Variants in ARMCX4 observed in about 807,000 individuals in gnomAD.
The protein encoded by ARMCX4 is armadillo repeat containing X-linked 4, also known as armadillo repeat-containing X-linked protein 4.
Under a neutral mutation model 34.7 loss-of-function variants are expected in ARMCX4, and 3 were observed. That is an observed-to-expected ratio of 0.09 (90% CI 0.04 to 0.22). ARMCX4 has a LOEUF of 0.22. Among genes scored for constraint, ARMCX4 ranks in the 10% least tolerant of loss-of-function variants. ARMCX4 has a pLI of 1.00. For missense variants in ARMCX4, 1,448 were observed against 1,720.8 expected, an observed-to-expected ratio of 0.84 and a Z score of 2.81; for synonymous variants, 513 against 632.8, an observed-to-expected ratio of 0.81 and a Z score of 2.84.
chrX:101,455,212 G>A (rs1263176203), intron 4 of ARMCX4, among the ~76,000 whole-genome samples: 1 of 111,968 alleles, frequency 8.9e-6, no homozygotes, highest in African/African-American at 3.2e-5. Flanking sequence ...GAAACATGGT[G>A]CTTTGGCAGT....
At chrX:101,482,566 T>A (rs1422864588), upstream of ARMCX4, among the ~76,000 whole-genome samples, 4 of 18,603 alleles carry the variant, frequency 2.2e-4, no homozygotes, top group Non-Finnish European at 3.6e-4. Flanking sequence ...CAGCTATTTT[T>A]TTTTTTTAAT....
chrX:101,510,481 G>T (rs1934556724), intron 10 of ARMCX4, among the ~76,000 whole-genome samples: 1 of 111,960 alleles, frequency 8.9e-6, no homozygotes, highest in Non-Finnish European at 1.9e-5. Context: ...GAGGTACTTG[G>T]AGTGGAAGGG....
At chrX:101,524,124 G>T (rs1455714945) in intron 11 of ARMCX4, 1 of 111,358 alleles carries the variant, frequency 9.0e-6, no homozygotes, top group East Asian at 2.8e-4. Context: ...CTAGGAAGGG[G>T]TGGCAGCTCC....
rs1041431444 is a variant in ARMCX4 at position 101,457,677 on chromosome X, G to A, written c.-473+11633G>A. On this transcript the variant is annotated intron_variant and NMD_transcript_variant, in intron 4 of 15. Transcript: ENST00000433011. ...GTGGAGGCTGCAGTGAGCCGAGATC[G>A]CGCCATTGCACTCCAGCCTGGGCAA... Among the ~76,000 whole-genome samples, 30 of 110,994 alleles carry A rather than the reference G, an allele frequency of 2.7e-4. 1 individual carries two copies. Among genetic ancestry groups the A allele is most frequent in the Non-Finnish European group, 2.1e-4 (11 of 52,830 alleles).
rs1317910265 is a variant in ARMCX4 at position 101,493,316 on chromosome X, T to A, written c.4727T>A (p.Phe1576Tyr). 2.6e-6 allele frequency: 3 copies of A among 1,152,983 alleles called. No individual in the cohort carries two copies. In the African/African-American group the frequency reaches 5.4e-5, roughly 21 times the overall value. ...DQAGGCSKPG[F>Y]EDQAIGGGFW... Reference sequence around the variant, plus strand: ...GCTGGTGGTTGTTCCAAACCTGGATTTGAGGATCAGGCCATTGGAGGGGGG... The same window carrying A: ...GCTGGTGGTTGTTCCAAACCTGGATATGAGGATCAGGCCATTGGAGGGGGG... Residue 1576 changes from phenylalanine to tyrosine, a missense_variant, in exon 6 of 6, where the codon TTT becomes TAT. Around this residue, in one of 2 missense-constraint regions of ARMCX4, gnomAD observed 1,343 missense variants for 1,540.7 expected, o/e 0.87. Coordinates refer to ENST00000423738, the MANE Select transcript of ARMCX4 (RefSeq NM_001256155.3).
At chrX:101,432,556 G>A (rs1415273502) in intron 2 of ARMCX4, among the ~76,000 whole-genome samples, 1 of 109,364 alleles carries the variant, frequency 9.1e-6, no homozygotes, top group African/African-American at 3.3e-5. Context: ...AGCTACTCGG[G>A]AGGCTGAGGC....
chrX:101,443,819 A>G (rs1365055020), intron 2 of ARMCX4: 1 of 350,214 alleles, frequency 2.9e-6, no homozygotes. Context: ...CAACCACTCA[A>G]TCTTGGCAGT....
At chrX:101,468,428 A>T (rs1932831931) in intron 4 of ARMCX4, among the ~76,000 whole-genome samples, 1 of 107,820 alleles carries the variant, frequency 9.3e-6, no homozygotes, top group Non-Finnish European at 1.9e-5. Flanking sequence ...AGTAGCTGGG[A>T]CTATAGGCAC....
chrX:101,444,274 A>C, intron 3 of ARMCX4: 1 of 155,068 alleles, frequency 6.4e-6, no homozygotes, highest in Non-Finnish European at 1.2e-5. Context: ...TTCCTTGACC[A>C]AACTTTAATT....
intron 4 of ARMCX4, among the ~76,000 whole-genome samples, chrX:101,453,789 C>A (rs1400731988): frequency 9.1e-6 from 1 of 110,168 alleles, no homozygotes; most frequent in African/African-American, 3.3e-5. Flanking sequence ...CCAGGTATTA[C>A]TGGATCTGCA....
In ARMCX4 at chrX:101,489,175, G is replaced by T. The variant is rs1556007792; in HGVS notation, c.586G>T (p.Ala196Ser). The T allele has an allele frequency of 1.2e-5, 14 of 1,156,028 alleles. No homozygotes were observed. The highest frequency in any genetic ancestry group is 2.3e-6 in the Non-Finnish European group (2 of 872,993). The change falls in exon 6 of 6, where the codon GCT (alanine) becomes TCT (serine). Residue 196 changes from alanine to serine, a missense_variant. Coordinates refer to ENST00000423738, the MANE Select transcript of ARMCX4 (RefSeq NM_001256155.3). The stretch of plus-strand genomic sequence containing the variant: ...GACCAAAGCTGAAACTCATATATTG[G>T]CTGAAAAAGAGACAGAGATTAACAG... ...TQTKAETHIL[A>S]EKETEINRVM... is the part of the protein sequence containing the mutation.
At chrX:101,451,343 G>A (rs935222750), downstream of ARMCX4, among the ~76,000 whole-genome samples, 4 of 111,406 alleles carry the variant, frequency 3.6e-5, no homozygotes, top group East Asian at 1.1e-3. Context: ...CTGCTATAAC[G>A]GGGCATCACT....
At position 101,492,581 on chromosome X, in the gene ARMCX4, G is replaced by A. The variant is rs782003300; in HGVS notation, c.3992G>A (p.Gly1331Glu). The A allele has an allele frequency of 5.3e-6, 6 of 1,129,614 alleles. No individual in the cohort carries two copies. Among genetic ancestry groups the A allele is most frequent in the East Asian group, 3.3e-5 (1 of 30,432 alleles). The allele number at this position is 1,129,614 out of a possible 1,213,427, so 93.1% of individuals were successfully genotyped here. A position where few individuals can be genotyped will look rare whatever the true frequency, so the allele number is the denominator to read the frequency against. ...DQASGEGSWA[G>E]AGGQASGGSM... ...GCCAGTGGAGAAGGGTCCTGGGCTG[G>A]GGCTGGTGGCCAGGCTAGTGGAGGG... The change falls in exon 6 of 6, where the codon GGG (glycine) becomes GAG (glutamate). Residue 1331 changes from glycine (G) to glutamate (E), a missense_variant. Physicochemically the swap from Gly to Glu is moderately conservative, Grantham distance 98. Around this residue, in one of 2 missense-constraint regions of ARMCX4, gnomAD observed 1,343 missense variants for 1,540.7 expected, o/e 0.87. Transcript: ENST00000423738.
Position 101,495,236 on chromosome X carries a change from A to G in ARMCX4, c.6647A>G (p.Lys2216Arg). Reference protein sequence around the residue: ...PTSLINIFSKKETKENILNAL... With the variant: ...PTSLINIFSKRETKENILNAL... ...TCACTGATTAACATTTTTAGCAAGA[A>G]AGAGACAAAGGAGAATATTCTTAAT... Residue 2216 changes from lysine to arginine, a missense_variant, in exon 6 of 6, where the codon AAA becomes AGA. Lys to Arg is a conservative substitution (Grantham distance 26, BLOSUM62 2). This residue lies in a region of ARMCX4 where 105 missense variants were observed against 180.2 expected (regional missense o/e 0.58). Transcript: ENST00000423738. 8.7e-7 allele frequency: 1 copy of G among 1,148,455 alleles called. No homozygotes were observed. Among genetic ancestry groups the G allele is most frequent in the East Asian group, 3.3e-5 (1 of 30,757 alleles). The allele number at this position is 1,148,455 out of a possible 1,213,427, so 94.6% of individuals were successfully genotyped here.
intron 11 of ARMCX4, among the ~76,000 whole-genome samples, chrX:101,518,078 A>T (rs1934778964): frequency 8.9e-6 from 1 of 111,816 alleles, no homozygotes; most frequent in African/African-American, 3.2e-5. Context: ...TTACCCAAAA[A>T]AGTTTATGTT....
chrX:101,462,272 A>G (rs947732264), intron 4 of ARMCX4, among the ~76,000 whole-genome samples: 11 of 111,893 alleles, frequency 9.8e-5, no homozygotes, highest in Non-Finnish European at 1.7e-4. Flanking sequence ...AGTCAGGCAG[A>G]TGAAAGGATA....
In ARMCX4 at chrX:101,495,357, A is replaced by C; in HGVS notation, c.6768A>C (p.Leu2256=). 2 of 1,154,535 alleles carry C rather than the reference A, an allele frequency of 1.7e-6. No individual in the cohort carries two copies. The highest frequency in any genetic ancestry group is 2.3e-4 in the Middle Eastern group (1 of 4,291). ...TCAGTAAAAATTCCCTTTATTTCCT[A>C]TTCCAACGACCTAAAGCATGTGCCA... The part of the protein sequence containing the change: ...DKFSKNSLYF[L]FQRPKACAKK... The change falls in exon 6 of 6, where the codon CTA becomes CTC. Residue 2256 remains leucine (L), a synonymous_variant. Coordinates refer to ENST00000423738, the MANE Select transcript of ARMCX4 (RefSeq NM_001256155.3).
chrX:101,518,996 T>A (rs1400151228), intron 11 of ARMCX4, among the ~76,000 whole-genome samples: 1 of 111,290 alleles, frequency 9.0e-6, no homozygotes, highest in Non-Finnish European at 1.9e-5. Context: ...TATTATCCAA[T>A]GAAATTTGGA....
intron 1 of ARMCX4, chrX:101,418,416 G>A (rs963488046): frequency 8.9e-6 from 1 of 112,797 alleles, no homozygotes; most frequent in African/African-American, 3.2e-5. Context: ...GGAGCTCCAA[G>A]AGGGAAGACA....
Sources: allele counts gnomAD v4.1 joint callset (sites outside exome capture counted in the v4.1 genomes callset), GRCh38; gene constraint gnomAD v4.1.1; regional missense constraint gnomAD v4.1.1; transcripts MANE v1.5; gene names NCBI Gene and HGNC (gene_info 2026-07-23, HGNC 2026-07-21).